CEP350: variants seen among roughly 807,000 people sequenced by gnomAD.
The protein encoded by CEP350 is centrosomal protein 350, also known as centrosome-associated protein 350.
CEP350 carries 126 observed loss-of-function variants against 331.8 expected under a neutral mutation model. The ratio of observed to expected loss-of-function variants is 0.38; its 90% CI spans 0.33 to 0.44. CEP350 has a LOEUF of 0.44. CEP350 is among the 20% of genes least tolerant of loss of function. The pLI is 1.00. For missense variants in CEP350, 3,406 were observed against 3,634.6 expected (o/e 0.94, Z 1.62); for synonymous variants, 1,200 against 1,259.5 (o/e 0.95, Z 1.00).
At chr1:180,052,191 C>T (rs902740093) in intron 22 of CEP350, 2 of 453,732 alleles carry the variant, frequency 4.4e-6, no homozygotes, top group African/African-American at 4.0e-5. Context: ...ACAACTAGTG[C>T]CTACAAATTC....
chr1:180,022,235 T>TA (rs1357283172), intron 12 of CEP350, among the ~76,000 whole-genome samples: 11 of 152,172 alleles, frequency 7.2e-5, no homozygotes, highest in African/African-American at 2.2e-4. Flanking sequence ...TTGATGAAAG[T>TA]AAAATGCTTA....
Position 179,971,051 on chromosome 1 carries a change from CAG to C in CEP350, c.-13-15115_-13-15114del, listed in dbSNP as rs201183153. Among the ~76,000 whole-genome samples the C allele has an allele frequency of 3.3e-3, 479 of 143,888 alleles. 25 individuals carry two copies. The East Asian group carries it at 0.09, about 27-fold the overall frequency. The allele number at this position is 143,888 out of a possible 152,430, so 94.4% of individuals were successfully genotyped here. A position where few individuals can be genotyped will look rare whatever the true frequency, so the allele number is the denominator to read the frequency against. ...TTGTTTGTTTTTTTTTTTTTTGAGA[CAG>C]AGTCTTGCTCTGTCGCTCAGGCTGG... On this transcript the variant is annotated intron_variant, in intron 1 of 37. Transcript: ENST00000367607.
chr1:180,087,575 T>G lies in CEP350; in HGVS notation c.6286-3T>G, dbSNP rs1164187077. The G allele has an allele frequency of 6.5e-7, 1 of 1,539,108 alleles. No individual in the cohort carries two copies. Among genetic ancestry groups the G allele is most frequent in the South Asian group, 1.2e-5 (1 of 81,968 alleles). The stretch of plus-strand genomic sequence containing the variant: ...GTGACTCCTCTGGTTTTTCTAAACT[T>G]AGTCATATGATGAATTTATTAAGAA... On this transcript the variant is annotated splice_polypyrimidine_tract_variant and splice_region_variant and intron_variant, in intron 31 of 37. Coordinates refer to ENST00000367607, the MANE Select transcript of CEP350 (RefSeq NM_014810.5).
intron 6 of CEP350, among the ~76,000 whole-genome samples, chr1:179,997,415 C>T (rs1420960312): frequency 1.3e-5 from 2 of 151,852 alleles, no homozygotes; most frequent in Non-Finnish European, 2.9e-5. Flanking sequence ...TGGTGGTGGG[C>T]CCCCATAGTC....
At chr1:179,961,799 C>T (rs1412755332) in intron 1 of CEP350, among the ~76,000 whole-genome samples, 1 of 152,104 alleles carries the variant, frequency 6.6e-6, no homozygotes, top group African/African-American at 2.4e-5. Context: ...ACTGAAATAG[C>T]GAACATAGTA....
At chr1:180,064,990 A>T (rs1210025621) in intron 26 of CEP350, 125 bp from the exon 27 acceptor site, 5 of 1,022,854 alleles carry the variant, frequency 4.9e-6, no homozygotes, top group South Asian at 5.3e-5. Flanking sequence ...GTCCTTTATT[A>T]TCTTATTTTC....
intron 27 of CEP350, among the ~76,000 whole-genome samples, chr1:180,066,714 T>G (rs186382869): frequency 3.0e-4 from 46 of 152,342 alleles, no homozygotes; most frequent in African/African-American, 1.0e-3. Context: ...GATAGACTGA[T>G]TAAGGCTTCT....
chr1:180,022,654 T>C lies in CEP350; in HGVS notation c.3236-44T>C, dbSNP rs138146063. The C allele has an allele frequency of 7.4e-4, 1,164 of 1,567,560 alleles. 9 individuals are homozygous for C. In the African/African-American group the frequency reaches 0.013, roughly 17 times the overall value. ...TATGGGATGCTTTTCTTACAGTTTC[T>C]TGATTTTCGTTTTTAACCATGTTTC... On this transcript the variant is annotated intron_variant, in intron 12 of 37. Transcript: ENST00000367607.
Position 180,078,525 on chromosome 1 carries a change from A to G in CEP350, c.5830A>G (p.Ile1944Val), listed in dbSNP as rs1375691246. Residue 1944 changes from isoleucine to valine, a missense_variant, in exon 29 of 38, where the codon ATT (isoleucine) becomes GTT (valine). By Grantham distance (29) the Ile-to-Val change is conservative. This residue lies in a region of CEP350 where 1,415 missense variants were observed against 1,512.3 expected (regional missense o/e 0.94). Transcript: ENST00000367607. ...CTCTCATCTAAACAGTGAAAGCTCC[A>G]TTCCAGAAGAATTAGGCAGCCCTGC... Reference protein sequence around the residue: ...LYSHLNSESSIPEELGSPAVE... With the variant: ...LYSHLNSESSVPEELGSPAVE... The G allele has an allele frequency of 3.1e-6, 5 of 1,613,710 alleles. No individual in the cohort carries two copies. The African/African-American group carries it at 5.3e-5, about 17-fold the overall frequency.
At chr1:180,062,505 A>G (rs1658284883) in intron 26 of CEP350, 139 bp downstream of exon 26, 3 of 1,159,140 alleles carry the variant, frequency 2.6e-6, no homozygotes, top group Admixed American at 3.6e-5. Flanking sequence ...TGGATGGGCC[A>G]GTCTTAGTCC....
At chr1:180,052,282 T>TC (rs1433041334) in intron 22 of CEP350, 15 of 450,094 alleles carry the variant, frequency 3.3e-5, no homozygotes, top group Admixed American at 2.8e-4. Flanking sequence ...CAAGGGATCC[T>TC]CCCACCTTGG....
At chr1:180,064,349 G>A (rs1658418283) in intron 26 of CEP350, among the ~76,000 whole-genome samples, 1 of 151,884 alleles carries the variant, frequency 6.6e-6, no homozygotes, top group Non-Finnish European at 1.5e-5. Flanking sequence ...GTGTCCCTCA[G>A]CCCCTAAGAT....
At chr1:180,026,840 G>A (rs7521948) in intron 14 of CEP350, among the ~76,000 whole-genome samples, 121,982 of 152,170 alleles carry the variant, frequency 0.8, 49,223 homozygotes, top group Admixed American at 0.86. Flanking sequence ...CATGCTGTGT[G>A]TATGCCATAT....
chr1:180,053,006 T>A lies in CEP350; in HGVS notation c.4829T>A (p.Phe1610Tyr), dbSNP rs1657608013. The change falls in exon 23 of 38, where the codon TTT becomes TAT. Residue 1610 changes from phenylalanine (F) to tyrosine (Y), a missense_variant. Physicochemically the swap from Phe to Tyr is conservative, Grantham distance 22 (BLOSUM62 3). This residue lies in a region of CEP350 where 1,857 missense variants were observed against 1,909.2 expected (regional missense o/e 0.97). Transcript: ENST00000367607. Reference sequence around the variant, plus strand: ...ATTGCAACAGAATATTCTCTGAAATTTGATGAATCCATGACAGAAGATGAA... The same window carrying A: ...ATTGCAACAGAATATTCTCTGAAATATGATGAATCCATGACAGAAGATGAA... ...TSIATEYSLK[F>Y]DESMTEDEIE... 1 of 1,456,060 alleles carries A rather than the reference T, an allele frequency of 6.9e-7. No individual in the cohort carries two copies. The highest frequency in any genetic ancestry group is 9.5e-7 in the Non-Finnish European group (1 of 1,047,256). The allele number at this position is 1,456,060 out of a possible 1,614,324, so 90.2% of individuals were successfully genotyped here.
At chr1:180,109,243 C>G (rs1232537606) in intron 37 of CEP350, among the ~76,000 whole-genome samples, 1 of 151,506 alleles carries the variant, frequency 6.6e-6, no homozygotes, top group Admixed American at 6.6e-5. Context: ...CTCAGCCTCT[C>G]TGAGTAGCTG....
chr1:180,060,127 A>C (rs939327014), intron 25 of CEP350, among the ~76,000 whole-genome samples: 7 of 152,230 alleles, frequency 4.6e-5, no homozygotes, highest in Non-Finnish European at 1.0e-4. Flanking sequence ...AATGAGAATA[A>C]AGAGCAAGTA....
At chr1:179,994,529 C>T (rs571914002) in intron 5 of CEP350, among the ~76,000 whole-genome samples, 3 of 150,670 alleles carry the variant, frequency 2.0e-5, no homozygotes, top group Non-Finnish European at 4.4e-5. Flanking sequence ...TCACAGCTCA[C>T]TACAGCCTTG....
intron 14 of CEP350, among the ~76,000 whole-genome samples, chr1:180,027,486 A>G (rs2148863284): frequency 6.6e-6 from 1 of 152,230 alleles, no homozygotes; most frequent in East Asian, 1.9e-4. Flanking sequence ...CCTGGGCTCC[A>G]TCAGTCCTTC....
chr1:180,055,754 G>C (rs996991468), intron 25 of CEP350, among the ~76,000 whole-genome samples: 1 of 151,786 alleles, frequency 6.6e-6, no homozygotes, highest in African/African-American at 2.4e-5. Flanking sequence ...CACCATGTCA[G>C]CCAGGATGGT....
Sources: gnomAD v4.1 joint callset for allele counts (sites outside exome capture counted in the v4.1 genomes callset) on GRCh38, gnomAD v4.1.1 for gene constraint, gnomAD v4.1.1 regional missense constraint, MANE v1.5 for transcripts, NCBI Gene and HGNC (gene_info 2026-07-23, HGNC 2026-07-21) for gene names.